LIN7C: variants seen among roughly 807,000 people sequenced by gnomAD.
LIN7C encodes lin-7 cell polarity scaffold C, also known as protein lin-7 homolog C.
LIN7C carries 17 observed loss-of-function variants against 24.7 expected under a neutral mutation model. The observed-to-expected ratio is 0.69, with a 90% CI of 0.47 to 1.03. LIN7C has a LOEUF of 1.03. Ranked by LOEUF, LIN7C falls within the 50% of genes least tolerant of loss-of-function variation. The probability of loss-of-function intolerance (pLI) is 0.00; values close to 1 mark genes in which losing one functional copy is unlikely to be tolerated. For missense variants in LIN7C, 204 were observed against 239.0 expected (o/e 0.85, Z 0.97); for synonymous variants, 90 against 83.4 (o/e 1.08, Z -0.43).
intron 1 of LIN7C, 112 bp from the exon 2 acceptor site, chr11:27,502,032 G>A (rs1175776245): frequency 6.1e-6 from 4 of 660,496 alleles, no homozygotes; most frequent in African/African-American, 1.8e-5. Flanking sequence ...ACAGACAATC[G>A]AGGGGAAAAA....
At chr11:27,505,289 G>T (rs945720924) in intron 1 of LIN7C, among the ~76,000 whole-genome samples, 1 of 152,152 alleles carries the variant, frequency 6.6e-6, no homozygotes, top group Non-Finnish European at 1.5e-5. Context: ...CCGAGATCGC[G>T]CCACTGCACT....
chr11:27,496,754 G>A lies in LIN7C; in HGVS notation c.*1895C>T, dbSNP rs917180640. 1 of 152,094 alleles carries A rather than the reference G, an allele frequency of 6.6e-6. No individual in the cohort carries two copies. The highest frequency in any genetic ancestry group is 2.4e-5 in the African/African-American group (1 of 41,422). The allele number at this position is 152,094 out of a possible 1,614,324, so 9.4% of individuals were successfully genotyped here. A position where few individuals can be genotyped will look rare whatever the true frequency, so the allele number is the denominator to read the frequency against. Reference sequence around the variant, plus strand: ...TGAAACAGCTGAGACACAGAACCAGGAAGCTATAATTTATAATGAAATGTT... The same window carrying A: ...TGAAACAGCTGAGACACAGAACCAGAAAGCTATAATTTATAATGAAATGTT... On this transcript the variant is annotated 3_prime_UTR_variant, in exon 5 of 5. Coordinates refer to ENST00000278193, the MANE Select transcript of LIN7C (RefSeq NM_018362.4).
chr11:27,501,691 C>A, intron 2 of LIN7C, 111 bp downstream of exon 2: 2 of 899,728 alleles, frequency 2.2e-6, no homozygotes, highest in Non-Finnish European at 1.7e-6. Flanking sequence ...ATGAGAGGGA[C>A]TGGTTTTAAT....
At position 27,500,624 on chromosome 11, in the gene LIN7C, G is replaced by A. The variant is rs112897988; in HGVS notation, c.228+871C>T. Among the ~76,000 whole-genome samples the A allele has an allele frequency of 3.7e-3, 564 of 152,006 alleles. 2 individuals carry two copies. The highest frequency in any genetic ancestry group is 5.8e-3 in the Non-Finnish European group (397 of 68,000). On this transcript the variant is annotated intron_variant, in intron 3 of 4. Transcript: ENST00000278193. Reference sequence around the variant, plus strand: ...TGATGGATCACAAAAATGGGGAGGAGGAAAGAAATCAAGATTTACTGAACA... The same window carrying A: ...TGATGGATCACAAAAATGGGGAGGAAGAAAGAAATCAAGATTTACTGAACA...
rs1865171938 is a variant in LIN7C, at chr11:27,496,505, T to A, written c.*2144A>T. On this transcript the variant is annotated 3_prime_UTR_variant, in exon 5 of 5. Transcript: ENST00000278193. ...TCAAGATTTAAAATTCTGGGATACA[T>A]TATGAAAACTGCATTAATGAAAACA... 6.6e-6 allele frequency: 1 copy of A among 152,186 alleles called. No individual in the cohort carries two copies. The highest frequency in any genetic ancestry group is 1.5e-5 in the Non-Finnish European group (1 of 68,028). 9.4% of individuals were successfully genotyped at this position (152,186 alleles called of 1,614,324 possible). A position where few individuals can be genotyped will look rare whatever the true frequency, so the allele number is the denominator to read the frequency against.
rs747039540 is a variant in LIN7C, at chr11:27,498,728, C to T, written c.515G>A (p.Arg172Gln). ...AAQGKVKLVV[R>Q]YTPKVLEEME... ...TTCTTCTAAGACTTTGGGTGTGTAT[C>T]GTACCACTAATTTAACCTTTCCTTG... The change falls in exon 5 of 5, where the codon CGA becomes CAA. Residue 172 changes from arginine to glutamine, a missense_variant. Physicochemically the swap from Arg to Gln is conservative, Grantham distance 43. Coordinates refer to ENST00000278193, the MANE Select transcript of LIN7C (RefSeq NM_018362.4). 6 of 1,613,876 alleles carry T rather than the reference C, an allele frequency of 3.7e-6. No individual in the cohort carries two copies. Among genetic ancestry groups the T allele is most frequent in the Admixed American group, 1.7e-5 (1 of 60,016 alleles).
intron 1 of LIN7C, among the ~76,000 whole-genome samples, chr11:27,503,450 AGAGT>A (rs1402498290): frequency 1.3e-5 from 2 of 152,222 alleles, no homozygotes; most frequent in African/African-American, 2.4e-5. Flanking sequence ...TTTTCTTTAT[AGAGT>A]TAGTATGGCC....
chr11:27,505,380 C>T (rs1416686003), intron 1 of LIN7C, among the ~76,000 whole-genome samples: 2 of 152,198 alleles, frequency 1.3e-5, no homozygotes, highest in African/African-American at 4.8e-5. Flanking sequence ...AGAATCTTAA[C>T]TAGCTTTCAA....
In LIN7C at chr11:27,501,880, C is replaced by G. The variant is rs1299093217; in HGVS notation, c.78G>C (p.Arg26Ser). Residue 26 changes from arginine to serine, a missense_variant, in exon 2 of 5, where the codon AGG (arginine) becomes AGC (serine). Physicochemically the swap from Arg to Ser is moderately radical, Grantham distance 110 (BLOSUM62 -1). Coordinates refer to ENST00000278193, the MANE Select transcript of LIN7C (RefSeq NM_018362.4). Reference protein sequence around the residue: ...RAIELLEKLQRSGEVPPQKLQ... With the variant: ...RAIELLEKLQSSGEVPPQKLQ... ...GTTTCTGTGGTGGTACTTCTCCACTCCTTTGTAGTTTTTCCAATAATTCAA... is the reference window on the plus strand; with the variant it reads ...GTTTCTGTGGTGGTACTTCTCCACTGCTTTGTAGTTTTTCCAATAATTCAA... The G allele has an allele frequency of 6.2e-6, 10 of 1,611,964 alleles. No homozygotes were observed. The South Asian group carries it at 1.1e-4, about 18-fold the overall frequency.
chr11:27,503,152 A>C (rs1328215229), intron 1 of LIN7C, among the ~76,000 whole-genome samples: 2 of 151,918 alleles, frequency 1.3e-5, no homozygotes, highest in Non-Finnish European at 2.9e-5. Flanking sequence ...ACAAACAAAC[A>C]AAAAAAACCC....
chr11:27,506,654 C>G (rs574248566), intron 1 of LIN7C, 62 bp downstream of exon 1: 3 of 1,585,074 alleles, frequency 1.9e-6, no homozygotes, highest in African/African-American at 1.3e-5. Flanking sequence ...CTCCTCCCCT[C>G]CAGCGACACA....
rs575930857 is a variant in LIN7C, at chr11:27,503,819, T to TATTC, written c.38-1900_38-1899insGAAT. On this transcript the variant is annotated intron_variant, in intron 1 of 4. Coordinates refer to ENST00000278193, the MANE Select transcript of LIN7C (RefSeq NM_018362.4). ...GGGCCATCACACCTGGCAGAAAGAT[T>TATTC]ATTTATTTATTTATTTGAGATGGAG... 5.0e-4 allele frequency among the ~76,000 whole-genome samples: 74 copies of TATTC among 149,434 alleles called. 4 individuals carry two copies. In the South Asian group the frequency reaches 0.015, roughly 31 times the overall value.
Position 27,506,700 on chromosome 11 carries a change from C to T in LIN7C, c.37+16G>A, listed in dbSNP as rs1452100931. ...AACCCTTCCGCCCACCTCCGCCGAG[C>T]CTCGGCTGCACTCACCTCTCTCCAG... On this transcript the variant is annotated intron_variant, in intron 1 of 4. Transcript: ENST00000278193. 3.1e-6 allele frequency: 5 copies of T among 1,613,794 alleles called. No individual in the cohort carries two copies. The highest frequency in any genetic ancestry group is 4.2e-6 in the Non-Finnish European group (5 of 1,179,946).
At position 27,498,452 on chromosome 11, in the gene LIN7C, T is replaced by C; in HGVS notation, c.*197A>G. 1 of 526,788 alleles carries C rather than the reference T, an allele frequency of 1.9e-6. No homozygotes were observed. Among genetic ancestry groups the C allele is most frequent in the East Asian group, 3.2e-5 (1 of 31,164 alleles). The allele number at this position is 526,788 out of a possible 1,614,324, so 32.6% of individuals were successfully genotyped here. On this transcript the variant is annotated 3_prime_UTR_variant, in exon 5 of 5. Coordinates refer to ENST00000278193, the MANE Select transcript of LIN7C (RefSeq NM_018362.4). The stretch of plus-strand genomic sequence containing the variant: ...CAGAATTGCCCTCATCACCTTTTAC[T>C]TTTTCTTGTCAGAAAAAAGTGTATG...
chr11:27,506,658 C>T lies in LIN7C; in HGVS notation c.37+58G>A, dbSNP rs544941578. The T allele has an allele frequency of 6.9e-6, 11 of 1,590,768 alleles. No homozygotes were observed. The South Asian group carries it at 7.7e-5, about 11-fold the overall frequency. On this transcript the variant is annotated intron_variant, in intron 1 of 4. Coordinates refer to ENST00000278193, the MANE Select transcript of LIN7C (RefSeq NM_018362.4). Reference sequence around the variant, plus strand: ...CTGGGTCACTCCTCCTCCCCTCCAGCGACACAGCACTCCCCCAACCCTTCC... The same window carrying T: ...CTGGGTCACTCCTCCTCCCCTCCAGTGACACAGCACTCCCCCAACCCTTCC...
Position 27,495,340 on chromosome 11 carries a change from C to CGGGT in LIN7C, c.*3308_*3309insACCC. Reference sequence around the variant, plus strand: ...AAAATTAGCCGGGAGAGGTGGCACACGCCTGTAGTCCTAGCTACTCGGGAG... The same window carrying CGGGT: ...AAAATTAGCCGGGAGAGGTGGCACACGGGTGCCTGTAGTCCTAGCTACTCGGGAG... On this transcript the variant is annotated 3_prime_UTR_variant, in exon 5 of 5. Transcript: ENST00000278193. 6.6e-6 allele frequency: 1 copy of CGGGT among 152,172 alleles called. No homozygotes were observed. The highest frequency in any genetic ancestry group is 1.9e-4 in the East Asian group (1 of 5,182). 9.4% of individuals were successfully genotyped at this position (152,172 alleles called of 1,614,324 possible). A position where few individuals can be genotyped will look rare whatever the true frequency, so the allele number is the denominator to read the frequency against.
At position 27,496,978 on chromosome 11, in the gene LIN7C, A is replaced by G. The variant is rs1198396107; in HGVS notation, c.*1671T>C. 6.6e-6 allele frequency: 1 copy of G among 152,596 alleles called. No homozygotes were observed. Among genetic ancestry groups the G allele is most frequent in the East Asian group, 1.9e-4 (1 of 5,206 alleles). The allele number at this position is 152,596 out of a possible 1,614,324, so 9.5% of individuals were successfully genotyped here. On this transcript the variant is annotated 3_prime_UTR_variant, in exon 5 of 5. Coordinates refer to ENST00000278193, the MANE Select transcript of LIN7C (RefSeq NM_018362.4). ...ACAATTAAATTAAGTCCATACTTCT[A>G]TACTACTTTGGTCTCAACATTTTTA... is the stretch of plus-strand genomic sequence containing the variant.
At chr11:27,501,617 T>TGAATTTAAAATTTCAGGC in intron 2 of LIN7C, 51 bp from the exon 3 acceptor site, 4 of 1,021,530 alleles carry the variant, frequency 3.9e-6, no homozygotes, top group Non-Finnish European at 5.9e-6. Flanking sequence ...GAGTTCTCTG[T>TGAATTTAAAATTTCAGGC]GAAGTTAAAA....
intron 1 of LIN7C, among the ~76,000 whole-genome samples, chr11:27,505,006 C>T (rs1865262099): frequency 6.6e-6 from 1 of 152,128 alleles, no homozygotes; most frequent in African/African-American, 2.4e-5. Flanking sequence ...AACTAAATGC[C>T]ACAGAAGTTC....
Sources: gnomAD v4.1 joint callset for allele counts (sites outside exome capture counted in the v4.1 genomes callset) on GRCh38, gnomAD v4.1.1 for gene constraint, MANE v1.5 for transcripts, NCBI Gene and HGNC (gene_info 2026-07-23, HGNC 2026-07-21) for gene names.